The following FER1L6 variants were observed in gnomAD, a reference collection of about 807,000 sequenced individuals.
FER1L6 encodes the protein fer-1-like protein 6.
Under a neutral mutation model 219.2 loss-of-function variants are expected in FER1L6, and 177 were observed. The ratio of observed to expected loss-of-function variants is 0.81; its 90% confidence interval spans 0.71 to 0.91. FER1L6 has a LOEUF of 0.91. Ranked by LOEUF, FER1L6 falls within the 40% of genes least tolerant of loss-of-function variation. The pLI, the probability that FER1L6 is intolerant of heterozygous loss-of-function variation, is 0.00. For missense variants in FER1L6, 2,153 were observed against 2,259.9 expected, an observed-to-expected ratio of 0.95 and a Z score of 0.96; for synonymous variants, 768 against 824.3, an observed-to-expected ratio of 0.93 and a Z score of 1.17.
Position 123,869,557 on chromosome 8 carries a change from A to G in FER1L6, c.-8+17372A>G, listed in dbSNP as rs542401081. Among the ~76,000 whole-genome samples, 170 of 152,346 alleles carry G rather than the reference A, an allele frequency of 1.1e-3. 2 individuals carry two copies. The highest frequency in any genetic ancestry group is 3.9e-3 in the African/African-American group (164 of 41,580). ...AAGATATGAAAGAATCTAAAATTTA[A>G]ATAAAGGAAGAGATATTTATGAATC... On this transcript the variant is annotated intron_variant, in intron 1 of 40. Coordinates refer to ENST00000522917, the MANE Select transcript of FER1L6 (RefSeq NM_001039112.2).
chr8:123,956,154 C>A, intron 2 of FER1L6, 80 bp downstream of exon 2: 1 of 1,254,986 alleles, frequency 8.0e-7, no homozygotes, highest in Non-Finnish European at 1.1e-6. Flanking sequence ...AAATGCAGTT[C>A]TCTCTCAATG....
At chr8:123,929,108 C>T (rs779993941) in intron 1 of FER1L6, among the ~76,000 whole-genome samples, 10 of 152,184 alleles carry the variant, frequency 6.6e-5, no homozygotes, top group Admixed American at 3.9e-4. Flanking sequence ...AGAATGTTCC[C>T]GGTTCTTGGC....
intron 20 of FER1L6, among the ~76,000 whole-genome samples, chr8:124,041,100 T>C (rs373590143): frequency 5.9e-5 from 9 of 152,314 alleles, no homozygotes; most frequent in Admixed American, 4.6e-4. Flanking sequence ...GTTCTCTGAT[T>C]TGTGGTTTGA....
At chr8:123,865,382 A>G (rs944448054) in intron 1 of FER1L6, among the ~76,000 whole-genome samples, 1 of 149,944 alleles carries the variant, frequency 6.7e-6, no homozygotes, top group African/African-American at 2.5e-5. Flanking sequence ...TGCTCTCTTC[A>G]AAGCTGTCAG....
intron 12 of FER1L6, among the ~76,000 whole-genome samples, chr8:123,987,480 C>T (rs1013771859): frequency 3.0e-4 from 46 of 152,254 alleles, no homozygotes; most frequent in African/African-American, 1.1e-3. Flanking sequence ...ATTGTCTCCT[C>T]ACTTTATGAA....
At chr8:124,058,520 T>C (rs1334498518) in intron 22 of FER1L6, among the ~76,000 whole-genome samples, 2 of 152,242 alleles carry the variant, frequency 1.3e-5, no homozygotes, top group Non-Finnish European at 2.9e-5. Flanking sequence ...AGCAAAGTCA[T>C]TTAATTGCCA....
intron 12 of FER1L6, among the ~76,000 whole-genome samples, chr8:124,000,334 A>C (rs1389712539): frequency 6.6e-6 from 1 of 152,112 alleles, no homozygotes; most frequent in Non-Finnish European, 1.5e-5. Context: ...TGATGTTAAA[A>C]CCAGGTACTG....
intron 1 of FER1L6, among the ~76,000 whole-genome samples, chr8:123,901,745 G>A (rs955273940): frequency 6.6e-6 from 1 of 151,196 alleles, no homozygotes; most frequent in African/African-American, 2.4e-5. Flanking sequence ...TTGAGATGGA[G>A]CCTCGCTCTG....
chr8:123,903,343 C>T (rs1347518285), intron 1 of FER1L6, among the ~76,000 whole-genome samples: 3 of 152,136 alleles, frequency 2.0e-5, no homozygotes, highest in Non-Finnish European at 2.9e-5. Context: ...AATTCTCAAT[C>T]GCTGAAAATG....
At chr8:124,024,491 A>G (rs1030529267) in intron 18 of FER1L6, among the ~76,000 whole-genome samples, 1 of 152,182 alleles carries the variant, frequency 6.6e-6, no homozygotes, top group East Asian at 1.9e-4. Context: ...ACTTAGAATA[A>G]GTAATGGCCT....
At chr8:123,891,184 A>G (rs1211849593) in intron 1 of FER1L6, among the ~76,000 whole-genome samples, 1 of 152,182 alleles carries the variant, frequency 6.6e-6, no homozygotes, top group Non-Finnish European at 1.5e-5. Flanking sequence ...TGAAAACAAA[A>G]TAGGTACAAG....
chr8:124,060,913 G>C, intron 24 of FER1L6: 1 of 485,896 alleles, frequency 2.1e-6, no homozygotes, highest in Non-Finnish European at 3.4e-6. Context: ...ATCAAAGCAG[G>C]TTGACAAACT....
At chr8:123,952,606 G>A (rs924209481) in intron 1 of FER1L6, among the ~76,000 whole-genome samples, 1 of 152,160 alleles carries the variant, frequency 6.6e-6, no homozygotes, top group Non-Finnish European at 1.5e-5. Flanking sequence ...CTGCAGAGTA[G>A]AGGTGGTTGG....
In FER1L6 at chr8:124,095,006, C is replaced by G. The variant is rs1195899818; in HGVS notation, c.4663C>G (p.Leu1555Val). Residue 1555 changes from leucine (L) to valine (V), a missense_variant, in exon 35 of 41, where the codon CTG becomes GTG. Transcript: ENST00000522917. ...LVPEHIETRP[L>V]YHKDKPGMEQ... ...TCCTGAACACATAGAAACTCGGCCA[C>G]TGTACCACAAGGATAAGCCAGGAAT... 22 of 1,614,040 alleles carry G rather than the reference C, an allele frequency of 1.4e-5. No individual in the cohort carries two copies. In the East Asian group the frequency reaches 4.9e-4, roughly 36 times the overall value.
chr8:123,916,984 C>T (rs1323028613), intron 1 of FER1L6, among the ~76,000 whole-genome samples: 1 of 152,182 alleles, frequency 6.6e-6, no homozygotes, highest in Non-Finnish European at 1.5e-5. Context: ...CTAAAGAAAA[C>T]AGGATTTGGG....
At chr8:124,065,803 T>C (rs1362520407) in intron 26 of FER1L6, among the ~76,000 whole-genome samples, 3 of 152,212 alleles carry the variant, frequency 2.0e-5, no homozygotes. Context: ...GCTGCATCCA[T>C]AGGCTCCAGC....
chr8:123,895,020 G>C (rs1387834294), intron 1 of FER1L6, among the ~76,000 whole-genome samples: 1 of 152,176 alleles, frequency 6.6e-6, no homozygotes, highest in East Asian at 1.9e-4. Flanking sequence ...CAGGAACCTG[G>C]TGGACTCCTT....
intron 1 of FER1L6, among the ~76,000 whole-genome samples, chr8:123,906,587 G>A (rs1452794591): frequency 6.6e-6 from 1 of 151,966 alleles, no homozygotes; most frequent in Non-Finnish European, 1.5e-5. Context: ...ATTACTTGTG[G>A]TCAGGAGTTC....
chr8:123,971,832 C>G (rs1205876495), intron 6 of FER1L6, among the ~76,000 whole-genome samples: 1 of 152,196 alleles, frequency 6.6e-6, no homozygotes, highest in Non-Finnish European at 1.5e-5. Flanking sequence ...TTCTCAGTGG[C>G]CAAGGCATGC....
Sources: gnomAD v4.1 joint callset for allele counts (sites outside exome capture counted in the v4.1 genomes callset) on GRCh38, gnomAD v4.1.1 for gene constraint, MANE v1.5 for transcripts, NCBI Gene and HGNC (gene_info 2026-07-23, HGNC 2026-07-21) for gene names.